Variants in KIAA1328 observed in about 807,000 individuals in gnomAD.
KIAA1328 encodes the protein KIAA1328, also known as protein hinderin.
A neutral mutation model predicts 68.1 loss-of-function variants in KIAA1328; 52 were observed. That is an observed-to-expected ratio of 0.76 (90% CI 0.61 to 0.96). The LOEUF (loss-of-function observed/expected upper bound fraction) is 0.96. KIAA1328 is among the 40% of genes least tolerant of loss of function. The probability of loss-of-function intolerance (pLI) is 0.00; values close to 1 mark genes in which losing one functional copy is unlikely to be tolerated. For missense variants in KIAA1328, 641 were observed against 677.6 expected (o/e 0.95, Z 0.60); for synonymous variants, 232 against 239.4 (o/e 0.97, Z 0.28).
At chr18:36,833,943 C>T (rs897635880) in intron 1 of KIAA1328, among the ~76,000 whole-genome samples, 1 of 152,100 alleles carries the variant, frequency 6.6e-6, no homozygotes, top group Non-Finnish European at 1.5e-5. Context: ...TCAGTAATGA[C>T]CAAACTGGAG....
At chr18:37,230,173 C>T (rs998103654), downstream of KIAA1328, 6 of 152,192 alleles carry the variant, frequency 3.9e-5, no homozygotes, top group African/African-American at 4.8e-5. Context: ...ACCTATTATT[C>T]TCCATAAAGC....
At chr18:36,996,379 A>G (rs1473248901) in intron 6 of KIAA1328, among the ~76,000 whole-genome samples, 1 of 152,180 alleles carries the variant, frequency 6.6e-6, no homozygotes, top group Non-Finnish European at 1.5e-5. Flanking sequence ...GTCAGTTACT[A>G]CAGCTGTAAT....
intron 4 of KIAA1328, among the ~76,000 whole-genome samples, chr18:36,852,595 C>A (rs1176059397): frequency 6.6e-6 from 1 of 152,104 alleles, no homozygotes; most frequent in African/African-American, 2.4e-5. Context: ...CTGTTGCTAC[C>A]CAATAAATAC....
downstream of KIAA1328, among the ~76,000 whole-genome samples, chr18:37,228,824 A>T (rs1015580209): frequency 1.3e-5 from 2 of 152,032 alleles, no homozygotes; most frequent in African/African-American, 4.8e-5. Flanking sequence ...CATCTCAGAA[A>T]AAAAAAAGAA....
chr18:37,099,732 G>A (rs1286239680), intron 7 of KIAA1328, among the ~76,000 whole-genome samples: 1 of 152,136 alleles, frequency 6.6e-6, no homozygotes. Context: ...AGGTCTCTAA[G>A]GACTTGCTTT....
intron 7 of KIAA1328, among the ~76,000 whole-genome samples, chr18:37,140,798 A>G (rs965834824): frequency 9.9e-5 from 15 of 152,184 alleles, no homozygotes; most frequent in African/African-American, 3.6e-4. Flanking sequence ...AATTCCATCC[A>G]TATCAGTGAA....
At chr18:36,844,168 T>C (rs1285994599) in intron 3 of KIAA1328, 40 bp from the exon 4 acceptor site, 1 of 1,375,464 alleles carries the variant, frequency 7.3e-7, no homozygotes, top group Non-Finnish European at 1.0e-6. Context: ...CTTTAAAAAT[T>C]GGTTTTAGAA....
chr18:37,214,424 TG>T (rs1353233792), intron 9 of KIAA1328, among the ~76,000 whole-genome samples: 4 of 152,240 alleles, frequency 2.6e-5, no homozygotes, highest in African/African-American at 9.6e-5. Context: ...CCCCATTTCT[TG>T]TTTTTGTCAG....
At chr18:37,158,956 C>T (rs545132224) in intron 7 of KIAA1328, among the ~76,000 whole-genome samples, 1 of 151,780 alleles carries the variant, frequency 6.6e-6, no homozygotes, top group Non-Finnish European at 1.5e-5. Context: ...TTTTATTTTC[C>T]GTATTTCCCT....
intron 6 of KIAA1328, among the ~76,000 whole-genome samples, chr18:36,973,958 A>T (rs2052357789): frequency 6.6e-6 from 1 of 152,156 alleles, no homozygotes; most frequent in African/African-American, 2.4e-5. Flanking sequence ...TTCAAAATGA[A>T]ACCTGAAAAG....
At chr18:37,048,113 C>G (rs2055548759) in intron 6 of KIAA1328, among the ~76,000 whole-genome samples, 1 of 152,240 alleles carries the variant, frequency 6.6e-6, no homozygotes, top group East Asian at 1.9e-4. Context: ...TTAATCCTTT[C>G]TTTTCCCATT....
At chr18:37,011,600 A>G (rs1012861432) in intron 6 of KIAA1328, among the ~76,000 whole-genome samples, 6 of 152,206 alleles carry the variant, frequency 3.9e-5, no homozygotes, top group African/African-American at 1.4e-4. Flanking sequence ...CTTTATTGAT[A>G]TTCACTAAAA....
intron 6 of KIAA1328, among the ~76,000 whole-genome samples, chr18:37,045,791 G>A (rs1443297291): frequency 6.6e-6 from 1 of 152,132 alleles, no homozygotes; most frequent in Non-Finnish European, 1.5e-5. Flanking sequence ...TGTTAATTGA[G>A]TATTTTCTTA....
intron 6 of KIAA1328, among the ~76,000 whole-genome samples, chr18:36,988,858 A>G (rs1239599719): frequency 6.6e-6 from 1 of 152,146 alleles, no homozygotes; most frequent in African/African-American, 2.4e-5. Flanking sequence ...ATTAGTTAAC[A>G]CTGCTAAGTC....
At chr18:36,966,258 T>C (rs186432277) in intron 6 of KIAA1328, among the ~76,000 whole-genome samples, 1 of 152,286 alleles carries the variant, frequency 6.6e-6, no homozygotes, top group Non-Finnish European at 1.5e-5. Context: ...CAATAAATAC[T>C]AATAGAAGTC....
chr18:37,192,890 A>ATATC (rs1343033102), intron 9 of KIAA1328, among the ~76,000 whole-genome samples: 1 of 152,262 alleles, frequency 6.6e-6, no homozygotes, highest in Non-Finnish European at 1.5e-5. Context: ...TTTTAAAAAT[A>ATATC]TATCTGTAGC....
intron 5 of KIAA1328, among the ~76,000 whole-genome samples, chr18:36,918,076 A>G (rs2049776312): frequency 6.6e-5 from 10 of 152,156 alleles, no homozygotes; most frequent in Middle Eastern, 3.4e-3. Flanking sequence ...TCATCATTAC[A>G]GGAAGTTGGA....
intron 9 of KIAA1328, among the ~76,000 whole-genome samples, chr18:37,188,996 C>T (rs557128237): frequency 1.3e-5 from 2 of 152,180 alleles, no homozygotes; most frequent in South Asian, 4.2e-4. Context: ...AAATTTGATC[C>T]ATTGAGATCT....
intron 6 of KIAA1328, among the ~76,000 whole-genome samples, chr18:36,971,544 G>A (rs932068320): frequency 2.6e-5 from 4 of 152,214 alleles, no homozygotes. Context: ...CAGGAGAATC[G>A]CTTGAACCCA....
Sources: allele counts gnomAD v4.1 joint callset (sites outside exome capture counted in the v4.1 genomes callset), GRCh38; gene constraint gnomAD v4.1.1; transcripts MANE v1.5; gene names NCBI Gene and HGNC (gene_info 2026-07-23, HGNC 2026-07-21).